Variants in TRDN observed in about 807,000 individuals in gnomAD.
The protein encoded by TRDN is triadin, also known as triadin in skeletal muscle.
A neutral mutation model predicts 149.7 loss-of-function variants in TRDN; 161 were observed. That is an observed-to-expected ratio of 1.08 (90% confidence interval 0.95 to 1.23). TRDN has a LOEUF of 1.23. Ranked by LOEUF, TRDN falls within the 50% of genes most tolerant of loss-of-function variation. TRDN has a pLI of 0.00. For synonymous variants in TRDN, 294 were observed against 250.5 expected (o/e 1.17, Z -1.64); for missense variants, 896 against 823.5 (o/e 1.09, Z -1.08).
intron 12 of TRDN, among the ~76,000 whole-genome samples, chr6:123,430,410 G>A (rs1348336444): frequency 1.3e-5 from 2 of 149,380 alleles, no homozygotes; most frequent in African/African-American, 4.9e-5. Context: ...GTGAAACCCC[G>A]TCTCTACTAA....
chr6:123,489,099 A>G (rs929434515), intron 9 of TRDN, among the ~76,000 whole-genome samples: 4 of 152,152 alleles, frequency 2.6e-5, no homozygotes, highest in African/African-American at 9.7e-5. Flanking sequence ...TAAATTTCAC[A>G]CAGACATATC....
intron 1 of TRDN, among the ~76,000 whole-genome samples, chr6:123,586,597 G>A (rs1319896928): frequency 6.6e-6 from 1 of 152,124 alleles, no homozygotes. Flanking sequence ...CCGTTTTCTG[G>A]CTATTTGGAA....
Position 123,375,555 on chromosome 6 carries a change from T to A in TRDN, c.1273+50A>T, listed in dbSNP as rs540028046. 3 of 1,485,668 alleles carry A rather than the reference T, an allele frequency of 2.0e-6. No homozygotes were observed. The African/African-American group carries it at 4.3e-5, about 21-fold the overall frequency. 92.0% of individuals were successfully genotyped at this position (1,485,668 alleles called of 1,614,324 possible). A position where few individuals can be genotyped will look rare whatever the true frequency, so the allele number is the denominator to read the frequency against. On this transcript the variant is annotated intron_variant, in intron 19 of 40. Transcript: ENST00000334268. ...CATAGTCTATAGCAGAAAATTCAAA[T>A]GAGTAAGCTGCCCAAATATGCTCTT...
rs2114552120 is a variant in TRDN at position 123,574,549 on chromosome 6, A to G, written c.23-3417T>C. Reference sequence around the variant, plus strand: ...CCTTTGGAATAATGATTTGCAGCAAAGTAAACCAATTATGAGTGTTTAGGA... The same window carrying G: ...CCTTTGGAATAATGATTTGCAGCAAGGTAAACCAATTATGAGTGTTTAGGA... On this transcript the variant is annotated intron_variant, in intron 1 of 40. Coordinates refer to ENST00000334268, the MANE Select transcript of TRDN (RefSeq NM_006073.4). Among the ~76,000 whole-genome samples, 3 of 152,074 alleles carry G rather than the reference A, an allele frequency of 2.0e-5. No homozygotes were observed. The South Asian group carries it at 6.2e-4, about 31-fold the overall frequency.
chr6:123,307,764 T>C (rs1181191995), intron 24 of TRDN, among the ~76,000 whole-genome samples: 3 of 152,060 alleles, frequency 2.0e-5, no homozygotes, highest in Admixed American at 6.6e-5. Context: ...CTGATCTTTC[T>C]GGTAACACTT....
At chr6:123,304,945 G>A (rs1252882899) in intron 24 of TRDN, among the ~76,000 whole-genome samples, 1 of 152,018 alleles carries the variant, frequency 6.6e-6, no homozygotes, top group African/African-American at 2.4e-5. Context: ...ATATAGTTGT[G>A]TAAACAAAGA....
chr6:123,503,444 T>C (rs777484814), intron 8 of TRDN: 13 of 985,280 alleles, frequency 1.3e-5, no homozygotes, highest in Non-Finnish European at 1.6e-5. Context: ...TCAACATTTA[T>C]CCCCAATCTT....
intron 10 of TRDN, among the ~76,000 whole-genome samples, chr6:123,452,284 A>G (rs183140091): frequency 6.6e-6 from 1 of 152,216 alleles, no homozygotes; most frequent in East Asian, 1.9e-4. Context: ...GAGCATTCAG[A>G]TCGGGAAAGA....
At chr6:123,519,948 T>C (rs970052629) in intron 5 of TRDN, among the ~76,000 whole-genome samples, 1 of 152,082 alleles carries the variant, frequency 6.6e-6, no homozygotes, top group Non-Finnish European at 1.5e-5. Flanking sequence ...CTTCATAAAA[T>C]TCATATATAT....
chr6:123,381,953 G>GGT (rs1270053336), intron 15 of TRDN, among the ~76,000 whole-genome samples, 165 bp downstream of exon 15: 4 of 124,778 alleles, frequency 3.2e-5, no homozygotes, highest in African/African-American at 6.0e-5. Flanking sequence ...GAATAGATTT[G>GGT]GCGCTCTCTC....
At chr6:123,450,258 G>C (rs868717950) in intron 10 of TRDN, among the ~76,000 whole-genome samples, 1 of 152,070 alleles carries the variant, frequency 6.6e-6, no homozygotes, top group Non-Finnish European at 1.5e-5. Context: ...GAATGTAAAC[G>C]GCCTAAATGC....
chr6:123,243,365 G>A (rs908138988), intron 38 of TRDN, among the ~76,000 whole-genome samples: 5 of 152,038 alleles, frequency 3.3e-5, no homozygotes, highest in Non-Finnish European at 7.4e-5. Context: ...TAAGGATATG[G>A]AAAACAAAAC....
At chr6:123,560,525 T>C (rs931420442) in intron 2 of TRDN, among the ~76,000 whole-genome samples, 2 of 152,218 alleles carry the variant, frequency 1.3e-5, no homozygotes, top group Admixed American at 1.3e-4. Context: ...TCAGATCCCA[T>C]CACTCAGGAC....
intron 19 of TRDN, among the ~76,000 whole-genome samples, chr6:123,374,257 AT>A (rs10715142): frequency 0.18 from 26,816 of 151,562 alleles, 2,821 homozygotes; most frequent in African/African-American, 0.3. Flanking sequence ...GAACTTACAG[AT>A]TTTTTTTTAT....
At chr6:123,558,343 G>A (rs539244226) in intron 2 of TRDN, among the ~76,000 whole-genome samples, 32 of 151,710 alleles carry the variant, frequency 2.1e-4, no homozygotes, top group African/African-American at 5.6e-4. Flanking sequence ...CTCCACTCCC[G>A]CACCCTATAA....
At chr6:123,244,020 A>G (rs778755229) in intron 38 of TRDN, among the ~76,000 whole-genome samples, 2 of 152,176 alleles carry the variant, frequency 1.3e-5, no homozygotes, top group South Asian at 2.1e-4. Flanking sequence ...CCAGTTAGAA[A>G]GAAAACTAAC....
chr6:123,519,459 T>G (rs1224848902), intron 5 of TRDN, among the ~76,000 whole-genome samples: 1 of 143,486 alleles, frequency 7.0e-6, no homozygotes, highest in African/African-American at 2.5e-5. Context: ...GCTCATAATC[T>G]GCCTGACCCT....
intron 3 of TRDN, 111 bp from the exon 4 acceptor site, chr6:123,547,483 A>G (rs1210142019): frequency 3.2e-6 from 2 of 623,546 alleles, no homozygotes; most frequent in Non-Finnish European, 5.0e-6. Flanking sequence ...AGTTTTAACA[A>G]TCATAGTCTT....
At chr6:123,282,573 C>G (rs1488380563) in intron 24 of TRDN, among the ~76,000 whole-genome samples, 1 of 151,780 alleles carries the variant, frequency 6.6e-6, no homozygotes, top group Non-Finnish European at 1.5e-5. Context: ...AAAAACCAAT[C>G]TAGAGTGCGC....
Sources: gnomAD v4.1 joint callset for allele counts (sites outside exome capture counted in the v4.1 genomes callset) on GRCh38, gnomAD v4.1.1 for gene constraint, MANE v1.5 for transcripts, NCBI Gene and HGNC (gene_info 2026-07-23, HGNC 2026-07-21) for gene names.